The following ADAMTS6 variants were observed in gnomAD, a reference collection of about 807,000 sequenced individuals.
ADAMTS6 encodes A disintegrin and metalloproteinase with thrombospondin motifs 6.
In ADAMTS6, 23 loss-of-function variants were observed where a neutral mutation model predicts 144.3. The observed-to-expected ratio is 0.16, with a 90% CI of 0.11 to 0.23. The LOEUF (loss-of-function observed/expected upper bound fraction) is 0.23. ADAMTS6 is among the 10% of genes least tolerant of loss of function. ADAMTS6 has a pLI of 1.00. For synonymous variants in ADAMTS6, 444 were observed against 457.5 expected, an observed-to-expected ratio of 0.97 and a Z score of 0.38; for missense variants, 999 against 1,379.6, an observed-to-expected ratio of 0.72 and a Z score of 4.37.
At chr5:65,248,421 G>A (rs970473283) in intron 14 of ADAMTS6, among the ~76,000 whole-genome samples, 2 of 152,034 alleles carry the variant, frequency 1.3e-5, no homozygotes, top group Admixed American at 6.6e-5. Flanking sequence ...AAAAATTAAA[G>A]TTACTTGTAT....
At chr5:65,207,523 C>T (rs995584926) in intron 20 of ADAMTS6, among the ~76,000 whole-genome samples, 3 of 151,908 alleles carry the variant, frequency 2.0e-5, no homozygotes, top group African/African-American at 4.8e-5. Context: ...ACTTTAAAGC[C>T]TAAGCATTGT....
intron 12 of ADAMTS6, 73 bp from the exon 13 acceptor site, chr5:65,263,035 G>A: frequency 6.3e-7 from 1 of 1,585,718 alleles, no homozygotes; most frequent in Non-Finnish European, 8.6e-7. Context: ...ATACATAAGG[G>A]TCAGGTACTG....
At chr5:65,176,170 T>A (rs1579966306) in intron 22 of ADAMTS6, among the ~76,000 whole-genome samples, 1 of 152,170 alleles carries the variant, frequency 6.6e-6, no homozygotes, top group African/African-American at 2.4e-5. Context: ...TATGGGAAGT[T>A]CTTGTCCTGA....
intron 9 of ADAMTS6, among the ~76,000 whole-genome samples, chr5:65,305,837 T>TGGAGACAGATACATATTGGG (rs1176795332): frequency 2.0e-5 from 3 of 151,822 alleles, no homozygotes; most frequent in African/African-American, 7.3e-5. Context: ...CAGGCACACA[T>TGGAGACAGATACATATTGGG]GGAGACAGAT....
At chr5:65,295,127 C>A (rs115489795) in intron 10 of ADAMTS6, among the ~76,000 whole-genome samples, 2,375 of 152,100 alleles carry the variant, frequency 0.016, 56 homozygotes, top group African/African-American at 0.055. Context: ...TAATAAACAT[C>A]TGGATTATTT....
chr5:65,422,455 C>T (rs1277352938), intron 7 of ADAMTS6, among the ~76,000 whole-genome samples: 1 of 152,052 alleles, frequency 6.6e-6, no homozygotes, highest in Non-Finnish European at 1.5e-5. Flanking sequence ...AACCCTGTTG[C>T]TACTAAAAAT....
Position 65,273,409 on chromosome 5 carries a change from G to C in ADAMTS6, c.1551C>G (p.Asn517Lys), listed in dbSNP as rs570501445. 2.5e-6 allele frequency: 4 copies of C among 1,613,876 alleles called. No individual in the cohort carries two copies. The East Asian group carries it at 6.7e-5, about 27-fold the overall frequency. ...CTGGAATACTGTTGGTGACACAGCG[G>C]TTGCTTTTGCTGAGACACCAGAGCT... ...CRELWCLSKS[N>K]RCVTNSIPAA... The change falls in exon 12 of 25, where the codon AAC (asparagine) becomes AAG (lysine). Residue 517 changes from asparagine to lysine, a missense_variant. This residue lies in a region of ADAMTS6 where 619 missense variants were observed against 837.0 expected (regional missense o/e 0.74). Transcript: ENST00000381055.
intron 1 of ADAMTS6, among the ~76,000 whole-genome samples, chr5:65,479,715 C>A (rs16893873): frequency 0.048 from 7,352 of 152,106 alleles, 606 homozygotes; most frequent in African/African-American, 0.17. Flanking sequence ...CTAGTGATTA[C>A]TAAGGAAAGA....
chr5:65,189,914 G>A (rs2112185148), intron 21 of ADAMTS6, among the ~76,000 whole-genome samples: 1 of 152,330 alleles, frequency 6.6e-6, no homozygotes, highest in Non-Finnish European at 1.5e-5. Context: ...CAATGAACAT[G>A]CTCATGCTTT....
At chr5:65,353,656 A>G (rs1749058250) in intron 7 of ADAMTS6, among the ~76,000 whole-genome samples, 1 of 152,004 alleles carries the variant, frequency 6.6e-6, no homozygotes, top group Admixed American at 6.6e-5. Context: ...CAAATTCTAT[A>G]TATTTATATA....
At chr5:65,154,750 A>G (rs1453341984) in intron 24 of ADAMTS6, among the ~76,000 whole-genome samples, 1 of 152,234 alleles carries the variant, frequency 6.6e-6, no homozygotes, top group Non-Finnish European at 1.5e-5. Context: ...CCTGGCTCAG[A>G]GTAAGCATTG....
chr5:65,313,788 C>A (rs921854959), intron 9 of ADAMTS6, among the ~76,000 whole-genome samples: 17 of 151,978 alleles, frequency 1.1e-4, no homozygotes, highest in African/African-American at 4.1e-4. Flanking sequence ...AAACTGAGTC[C>A]ATTTGGTTCT....
intron 7 of ADAMTS6, among the ~76,000 whole-genome samples, chr5:65,438,363 C>T (rs1757609304): frequency 6.6e-6 from 1 of 152,036 alleles, no homozygotes; most frequent in Non-Finnish European, 1.5e-5. Flanking sequence ...CCCATCTCTA[C>T]TAAAAACACA....
intron 7 of ADAMTS6, among the ~76,000 whole-genome samples, chr5:65,432,226 A>C (rs1757051749): frequency 6.6e-6 from 1 of 152,018 alleles, no homozygotes; most frequent in African/African-American, 2.4e-5. Flanking sequence ...TTTTAACCAA[A>C]AAAGAGGAAA....
intron 21 of ADAMTS6, among the ~76,000 whole-genome samples, chr5:65,192,705 A>T (rs191880963): frequency 2.9e-4 from 43 of 147,580 alleles, no homozygotes; most frequent in Admixed American, 4.1e-4. Context: ...CACTACTTTC[A>T]TTCATAGTCA....
At chr5:65,477,334 C>T (rs1314456735) in intron 1 of ADAMTS6, among the ~76,000 whole-genome samples, 3 of 152,108 alleles carry the variant, frequency 2.0e-5, no homozygotes, top group African/African-American at 7.2e-5. Context: ...AGTTAATTTT[C>T]TAGCAATGGA....
At chr5:65,265,855 A>G (rs112745074) in intron 12 of ADAMTS6, among the ~76,000 whole-genome samples, 4,826 of 152,030 alleles carry the variant, frequency 0.032, 257 homozygotes, top group African/African-American at 0.11. Flanking sequence ...AAAAGGGATT[A>G]TCTGTCTAAA....
intron 7 of ADAMTS6, among the ~76,000 whole-genome samples, chr5:65,388,903 T>C (rs1164384471): frequency 6.6e-6 from 1 of 152,074 alleles, no homozygotes; most frequent in Non-Finnish European, 1.5e-5. Context: ...AAAGTCACAA[T>C]GCTATAGAAA....
At chr5:65,415,006 C>T (rs1427552717) in intron 7 of ADAMTS6, among the ~76,000 whole-genome samples, 1 of 152,048 alleles carries the variant, frequency 6.6e-6, no homozygotes, top group Non-Finnish European at 1.5e-5. Context: ...GAAAATAAAA[C>T]CTTTCACGCT....
Sources: gnomAD v4.1 joint callset for allele counts (sites outside exome capture counted in the v4.1 genomes callset) on GRCh38, gnomAD v4.1.1 for gene constraint, gnomAD v4.1.1 regional missense constraint, MANE v1.5 for transcripts, NCBI Gene and HGNC (gene_info 2026-07-23, HGNC 2026-07-21) for gene names.